Variants in CPLANE1 observed in about 807,000 individuals in gnomAD.
CPLANE1 encodes ciliogenesis and planar polarity effector 1.
A neutral mutation model predicts 362.5 loss-of-function variants in CPLANE1; 263 were observed. That is an observed-to-expected ratio of 0.73 (90% CI 0.66 to 0.80). The LOEUF is 0.80. Ranked by LOEUF, CPLANE1 falls within the 30% of genes least tolerant of loss-of-function variation. CPLANE1 has a pLI of 0.00. For missense variants in CPLANE1, 3,461 were observed against 3,793.4 expected, an observed-to-expected ratio of 0.91 and a Z score of 2.30; for synonymous variants, 1,212 against 1,302.6, an observed-to-expected ratio of 0.93 and a Z score of 1.50.
Position 37,107,796 on chromosome 5 carries a change from C to T in CPLANE1, c.9580-18G>A, listed in dbSNP as rs779368588. On this transcript the variant is annotated intron_variant, in intron 52 of 52. Coordinates refer to ENST00000651892, the MANE Select transcript of CPLANE1 (RefSeq NM_001384732.1). ...GACAAGTCCTATTAAATTGAAAAGA[C>T]AATTGTGGTCCTAGCCCCTAAAAAC... 20 of 1,575,988 alleles carry T rather than the reference C, an allele frequency of 1.3e-5. No homozygotes were observed. Among genetic ancestry groups the T allele is most frequent in the African/African-American group, 1.4e-5 (1 of 73,756 alleles).
intron 12 of CPLANE1, 21 bp downstream of exon 12, chr5:37,226,283 T>C (rs933660819): frequency 1.4e-6 from 2 of 1,433,092 alleles, no homozygotes; most frequent in Non-Finnish European, 1.8e-6. Flanking sequence ...AGTATCCCAG[T>C]ATTAAAATAA....
intron 32 of CPLANE1, among the ~76,000 whole-genome samples, chr5:37,170,972 T>C (rs1779643184): frequency 6.6e-6 from 1 of 152,070 alleles, no homozygotes. Context: ...AATAAGTATA[T>C]TTTGGACAGT....
Position 37,157,848 on chromosome 5 carries a change from ATT to A in CPLANE1, c.7831_7832del (p.Asn2611CysfsTer3). On this transcript the variant is annotated frameshift_variant, in exon 40 of 53. Coordinates refer to ENST00000651892, the MANE Select transcript of CPLANE1 (RefSeq NM_001384732.1). LOFTEE classifies it high-confidence loss of function. ...GATCATTAGCTTCAATGTCAATCACATTTATATAAGTATGTCCAACCTGAGCC... is the reference window on the plus strand; with the variant it reads ...GATCATTAGCTTCAATGTCAATCACATATATAAGTATGTCCAACCTGAGCC... ...VTNLVGHTYI[N>X]VIDIEANDLL... The A allele has an allele frequency of 6.4e-7, 1 of 1,564,656 alleles. No homozygotes were observed. The highest frequency in any genetic ancestry group is 1.4e-5 in the African/African-American group (1 of 71,834).
intron 16 of CPLANE1, among the ~76,000 whole-genome samples, chr5:37,208,687 CA>C (rs35854295): frequency 0.21 from 18,523 of 86,776 alleles, 1,508 homozygotes; most frequent in Admixed American, 0.27. Flanking sequence ...CCCCCCCCCC[CA>C]AAAAAAAAAA....
intron 39 of CPLANE1, 104 bp downstream of exon 39, chr5:37,158,120 G>A (rs1203625976): frequency 6.2e-6 from 8 of 1,289,484 alleles, no homozygotes; most frequent in African/African-American, 3.0e-5. Flanking sequence ...CTACATAGAT[G>A]AGATTTTTAA....
chr5:37,153,673 A>C (rs1774208084), intron 42 of CPLANE1, 67 bp downstream of exon 42: 1 of 1,493,802 alleles, frequency 6.7e-7, no homozygotes, highest in East Asian at 2.3e-5. Context: ...AGGTATCCAA[A>C]GTTATATCAC....
Position 37,108,459 on chromosome 5 carries a change from G to T in CPLANE1, c.9413C>A (p.Pro3138Gln), listed in dbSNP as rs747597826. The stretch of plus-strand genomic sequence containing the variant: ...TTTTGTATGCTGCAGACTATGACAC[G>T]GAGCATTAGAGCCTTTTAAGGGATA... ...PVTFQKGSNA[P>Q]CHSLQHTKKH... is the part of the protein sequence containing the mutation. Residue 3138 changes from proline to glutamine, a missense_variant, in exon 52 of 53, where the codon CCG becomes CAG. Pro to Gln is a moderately conservative substitution (Grantham distance 76). This residue lies in a region of CPLANE1 where 3,380 missense variants were observed against 3,666.1 expected (regional missense o/e 0.92). Coordinates refer to ENST00000651892, the MANE Select transcript of CPLANE1 (RefSeq NM_001384732.1). The T allele has an allele frequency of 6.2e-6, 10 of 1,613,092 alleles. No individual in the cohort carries two copies. Among genetic ancestry groups the T allele is most frequent in the Non-Finnish European group, 8.5e-6 (10 of 1,179,780 alleles).
the CPLANE1 span, among the ~76,000 whole-genome samples, chr5:37,082,715 C>A: frequency 5.4e-5 from 8 of 149,014 alleles, no homozygotes; most frequent in African/African-American, 2.0e-4. Context: ...TATAATGACA[C>A]ACAGACTGAA....
chr5:37,162,877 G>A (rs1337185792), intron 37 of CPLANE1, among the ~76,000 whole-genome samples: 6 of 151,948 alleles, frequency 3.9e-5, no homozygotes, highest in Non-Finnish European at 7.4e-5. Context: ...ACGGGGTTTC[G>A]CCACGTTGGC....
chr5:37,119,066 G>A lies in CPLANE1; in HGVS notation c.9310+1150C>T, dbSNP rs545643379. On this transcript the variant is annotated intron_variant, in intron 50 of 52. Coordinates refer to ENST00000651892, the MANE Select transcript of CPLANE1 (RefSeq NM_001384732.1). ...TACTACATGTCAGCTATTATAATAC[G>A]TTGTTAATATATAAATATGTTACAA... is the stretch of plus-strand genomic sequence containing the variant. Among the ~76,000 whole-genome samples the A allele has an allele frequency of 7.2e-5, 11 of 152,060 alleles. No homozygotes were observed. In the South Asian group the frequency reaches 1.5e-3, roughly 20 times the overall value.
rs919622855 is a variant in CPLANE1, at chr5:37,107,112, T to C, written c.*490A>G. The C allele has an allele frequency of 8.1e-6, 8 of 985,400 alleles. No individual in the cohort carries two copies. Among genetic ancestry groups the C allele is most frequent in the Non-Finnish European group, 9.6e-6 (8 of 829,972 alleles). 61.0% of individuals were successfully genotyped at this position (985,400 alleles called of 1,614,324 possible). A position where few individuals can be genotyped will look rare whatever the true frequency, so the allele number is the denominator to read the frequency against. On this transcript the variant is annotated 3_prime_UTR_variant, in exon 53 of 53. Transcript: ENST00000651892. ...CAGGGTTGGTAAAAGGTAGTTGGTT[T>C]TTCTTTTCACTCCTAGGCTAAACCC...
the CPLANE1 span, among the ~76,000 whole-genome samples, chr5:37,098,400 A>AAAC: frequency 6.7e-6 from 1 of 150,152 alleles, no homozygotes; most frequent in African/African-American, 2.4e-5. Context: ...CAAAAAAAAA[A>AAAC]AAAAAAAAAA....
At chr5:37,205,500 A>C (rs1389005694) in intron 17 of CPLANE1, 46 bp from the exon 18 acceptor site, 3 of 1,391,000 alleles carry the variant, frequency 2.2e-6, no homozygotes, top group Non-Finnish European at 1.9e-6. Context: ...ATTTTGAAAA[A>C]AAAGGAAAGG....
chr5:37,218,585 G>C (rs1297494765), intron 15 of CPLANE1, among the ~76,000 whole-genome samples: 1 of 152,096 alleles, frequency 6.6e-6, no homozygotes, highest in Non-Finnish European at 1.5e-5. Context: ...TCAAATCTAG[G>C]GGGTAATTTT....
the CPLANE1 span, among the ~76,000 whole-genome samples, chr5:37,097,021 A>G: frequency 6.6e-6 from 1 of 152,096 alleles, no homozygotes; most frequent in Non-Finnish European, 1.5e-5. Context: ...AGAAACAAAG[A>G]AAGTCATTAT....
At position 37,184,860 on chromosome 5, in the gene CPLANE1, A is replaced by C; in HGVS notation, c.4409T>G (p.Val1470Gly). Residue 1470 changes from valine (V) to glycine (G), a missense_variant, in exon 25 of 53, where the codon GTT (valine) becomes GGT (glycine). This residue lies in a region of CPLANE1 where 3,380 missense variants were observed against 3,666.1 expected (regional missense o/e 0.92). Coordinates refer to ENST00000651892, the MANE Select transcript of CPLANE1 (RefSeq NM_001384732.1). Reference protein sequence around the residue: ...STLTELGDSVVHSDADTFSEA... With the variant: ...STLTELGDSVGHSDADTFSEA... ...AGAGAACGTATCTGCATCACTGTGA[A>C]CCACAGAATCTCCTAGTTCTGTGAG... The C allele has an allele frequency of 6.2e-7, 1 of 1,614,018 alleles. No homozygotes were observed. The highest frequency in any genetic ancestry group is 8.5e-7 in the Non-Finnish European group (1 of 1,179,902).
chr5:37,165,991 C>G (rs1459754034), intron 35 of CPLANE1, among the ~76,000 whole-genome samples: 1 of 152,156 alleles, frequency 6.6e-6, no homozygotes, highest in Non-Finnish European at 1.5e-5. Context: ...GAAACCCTAT[C>G]AGATACCTCC....
chr5:37,081,363 C>A, the CPLANE1 span, among the ~76,000 whole-genome samples: 4 of 152,222 alleles, frequency 2.6e-5, no homozygotes, highest in South Asian at 2.1e-4. Context: ...CTCTCTGTCA[C>A]CCAGGCTGGA....
intron 46 of CPLANE1, among the ~76,000 whole-genome samples, chr5:37,129,061 G>A (rs571632363): frequency 2.0e-5 from 3 of 152,128 alleles, no homozygotes; most frequent in East Asian, 1.9e-4. Flanking sequence ...AAATAGGCAC[G>A]TAGACCAATG....
Sources: allele counts gnomAD v4.1 joint callset (sites outside exome capture counted in the v4.1 genomes callset), GRCh38; gene constraint gnomAD v4.1.1; regional missense constraint gnomAD v4.1.1; transcripts MANE v1.5; gene names NCBI Gene and HGNC (gene_info 2026-07-23, HGNC 2026-07-21).